The following TTLL9 variants were observed in gnomAD, a reference collection of about 807,000 sequenced individuals.
TTLL9 encodes probable tubulin polyglutamylase TTLL9.
In TTLL9, 47 loss-of-function variants were observed where a neutral mutation model predicts 65.6. The ratio of observed to expected loss-of-function variants is 0.72; its 90% CI spans 0.57 to 0.91. The LOEUF (loss-of-function observed/expected upper bound fraction) is 0.91, where lower values mean the gene tolerates loss of function less well. Ranked by LOEUF, TTLL9 falls within the 40% of genes least tolerant of loss-of-function variation. TTLL9 has a pLI of 0.00. For synonymous variants in TTLL9, 179 were observed against 204.8 expected, an observed-to-expected ratio of 0.87 and a Z score of 1.07; for missense variants, 537 against 568.8, an observed-to-expected ratio of 0.94 and a Z score of 0.57.
At chr20:31,878,813 C>T (rs2063070535) in intron 2 of TTLL9, among the ~76,000 whole-genome samples, 1 of 152,158 alleles carries the variant, frequency 6.6e-6, no homozygotes, top group Admixed American at 6.5e-5. Context: ...ATAACTTTGT[C>T]TCTTTCTTAT....
At chr20:31,902,438 T>A (rs754019716) in intron 4 of TTLL9, among the ~76,000 whole-genome samples, 5 of 152,216 alleles carry the variant, frequency 3.3e-5, no homozygotes, top group African/African-American at 4.8e-5. Flanking sequence ...TGGAGTCCAG[T>A]GGCTCGATCT....
chr20:31,874,537 G>C (rs1028772865), intron 2 of TTLL9, among the ~76,000 whole-genome samples: 8 of 151,012 alleles, frequency 5.3e-5, no homozygotes, highest in African/African-American at 1.7e-4. Flanking sequence ...TCAGCCTCAA[G>C]AGCAGCTGGG....
intron 6 of TTLL9, 42 bp downstream of exon 6, chr20:31,909,964 C>G (rs748971149): frequency 6.4e-7 from 1 of 1,569,456 alleles, no homozygotes; most frequent in East Asian, 2.2e-5. Context: ...GGGAATGAGT[C>G]CCAGGTGCCA....
chr20:31,879,726 G>A (rs2063082642), intron 2 of TTLL9: 2 of 1,291,540 alleles, frequency 1.5e-6, no homozygotes, highest in Admixed American at 2.3e-5. Context: ...CAGAGGTTCT[G>A]GTGGACCAGA....
At position 31,937,573 on chromosome 20, in the gene TTLL9, GA is replaced by G. The variant is rs2064134231; in HGVS notation, c.1118+65del. The G allele has an allele frequency of 4.4e-6, 6 of 1,359,090 alleles. No homozygotes were observed. The South Asian group carries it at 7.6e-5, about 17-fold the overall frequency. The allele number at this position is 1,359,090 out of a possible 1,614,324, so 84.2% of individuals were successfully genotyped here. A position where few individuals can be genotyped will look rare whatever the true frequency, so the allele number is the denominator to read the frequency against. Reference sequence around the variant, plus strand: ...GACAACTGAGGCTCCCACCAAGGAAGAGGGGGAGCTTAGAACCTTGGGGCCT... The same window carrying G: ...GACAACTGAGGCTCCCACCAAGGAAGGGGGGAGCTTAGAACCTTGGGGCCT... On this transcript the variant is annotated intron_variant, in intron 13 of 14. Transcript: ENST00000535842.
intron 3 of TTLL9, 69 bp downstream of exon 3, chr20:31,887,308 C>A: frequency 6.7e-7 from 1 of 1,495,490 alleles, no homozygotes; most frequent in Non-Finnish European, 9.3e-7. Flanking sequence ...CCTTTTCAAT[C>A]CCTCTCTCCC....
intron 6 of TTLL9, among the ~76,000 whole-genome samples, chr20:31,917,635 G>A (rs913902133): frequency 5.3e-5 from 8 of 152,110 alleles, no homozygotes; most frequent in African/African-American, 1.9e-4. Context: ...CACCAGCAGT[G>A]TGTGCAAGTT....
intron 13 of TTLL9, chr20:31,938,337 G>A (rs2064152454): frequency 7.8e-6 from 3 of 386,912 alleles, no homozygotes; most frequent in Non-Finnish European, 1.6e-5. Flanking sequence ...GAGGGAGGGA[G>A]GAGTGGTTCT....
Position 31,898,511 on chromosome 20 carries a change from T to G in TTLL9, c.152T>G (p.Met51Arg). The G allele has an allele frequency of 6.2e-7, 1 of 1,614,198 alleles. No homozygotes were observed. The highest frequency in any genetic ancestry group is 8.5e-7 in the Non-Finnish European group (1 of 1,180,040). ...TCGATCCGGTTCAAGACCACCCTCA[T>G]GAACACACTCATGGACGTCCTTCGC... is the stretch of plus-strand genomic sequence containing the variant. ...RASIRFKTTLMNTLMDVLRHR... is the reference protein window; with the variant it reads ...RASIRFKTTLRNTLMDVLRHR... The change falls in exon 4 of 15, where the codon ATG becomes AGG. Residue 51 changes from methionine (M) to arginine (R), a missense_variant. Transcript: ENST00000535842.
At position 31,914,272 on chromosome 20, in the gene TTLL9, G is replaced by A. The variant is rs114221807; in HGVS notation, c.504+4350G>A. Among the ~76,000 whole-genome samples, 503 of 152,290 alleles carry A rather than the reference G, an allele frequency of 3.3e-3. 2 individuals carry two copies. Among genetic ancestry groups the A allele is most frequent in the African/African-American group, 0.012 (483 of 41,552 alleles). ...AAATAACAGTAGCTTAAACAAGAGG[G>A]CAAGACTTCTGTACTGTTTTTATGC... On this transcript the variant is annotated intron_variant, in intron 6 of 14. Coordinates refer to ENST00000535842, the MANE Select transcript of TTLL9 (RefSeq NM_001008409.5).
chr20:31,895,871 G>T (rs972077488), intron 3 of TTLL9, among the ~76,000 whole-genome samples: 2 of 148,162 alleles, frequency 1.3e-5, no homozygotes, highest in East Asian at 4.0e-4. Context: ...ACAGGGTCTC[G>T]CTCTCTTGCC....
At chr20:31,879,672 G>C in intron 2 of TTLL9, 1 of 686,428 alleles carries the variant, frequency 1.5e-6, no homozygotes, top group Non-Finnish European at 2.4e-6. Context: ...AAGAAAGGTT[G>C]AGGAAGTCGG....
chr20:31,918,606 A>G (rs980350921), intron 6 of TTLL9, among the ~76,000 whole-genome samples: 1 of 151,772 alleles, frequency 6.6e-6, no homozygotes, highest in Admixed American at 6.6e-5. Context: ...CTTGTCTCGA[A>G]CTCCTGAGCT....
intron 2 of TTLL9, chr20:31,879,926 TATCGTCCCTAG>T: frequency 6.5e-7 from 1 of 1,529,938 alleles, no homozygotes. Context: ...CAGATGCTTT[TATCGTCCCTAG>T]AAAAAGGGAG....
intron 2 of TTLL9, among the ~76,000 whole-genome samples, chr20:31,873,993 A>G (rs1471188104): frequency 2.6e-5 from 4 of 152,362 alleles, no homozygotes; most frequent in Non-Finnish European, 5.9e-5. Context: ...TAATTTACCC[A>G]TAGAGGGGCA....
chr20:31,944,685 G>A lies in TTLL9; in HGVS notation c.*1664G>A, dbSNP rs1460125227. On this transcript the variant is annotated 3_prime_UTR_variant, in exon 15 of 15. Transcript: ENST00000535842. Reference sequence around the variant, plus strand: ...TGCATTAGTCAAAAATATTTAAAAGGAGATTCAACTTCACAACCCATATGT... The same window carrying A: ...TGCATTAGTCAAAAATATTTAAAAGAAGATTCAACTTCACAACCCATATGT... 6.6e-6 allele frequency: 1 copy of A among 152,144 alleles called. No individual in the cohort carries two copies. The highest frequency in any genetic ancestry group is 1.9e-4 in the East Asian group (1 of 5,200). The allele number at this position is 152,144 out of a possible 1,614,324, so 9.4% of individuals were successfully genotyped here.
At chr20:31,911,234 C>T (rs564085039) in intron 6 of TTLL9, among the ~76,000 whole-genome samples, 1 of 152,222 alleles carries the variant, frequency 6.6e-6, no homozygotes, top group South Asian at 2.1e-4. Flanking sequence ...GCGCACCTAC[C>T]AATCACTCAG....
intron 4 of TTLL9, among the ~76,000 whole-genome samples, chr20:31,900,291 T>C (rs751786991): frequency 6.6e-6 from 1 of 152,218 alleles, no homozygotes; most frequent in Admixed American, 6.5e-5. Context: ...CAGGTAGGTG[T>C]TATCATCATC....
At chr20:31,915,257 G>A (rs904220126) in intron 6 of TTLL9, among the ~76,000 whole-genome samples, 6 of 152,144 alleles carry the variant, frequency 3.9e-5, no homozygotes, top group Non-Finnish European at 7.4e-5. Flanking sequence ...TGAGGCGGGC[G>A]GATCACGAGG....
Sources: allele counts gnomAD v4.1 joint callset (sites outside exome capture counted in the v4.1 genomes callset), GRCh38; gene constraint gnomAD v4.1.1; transcripts MANE v1.5; gene names NCBI Gene and HGNC (gene_info 2026-07-23, HGNC 2026-07-21).